The following SLC39A10 variants were observed in gnomAD, a reference collection of about 807,000 sequenced individuals.
SLC39A10 encodes the protein solute carrier family 39 member 10.
A neutral mutation model predicts 65.1 loss-of-function variants in SLC39A10; 13 were observed. The ratio of observed to expected loss-of-function variants is 0.20; its 90% confidence interval spans 0.13 to 0.32. The LOEUF is 0.32. SLC39A10 is among the 10% of genes least tolerant of loss of function. SLC39A10 has a pLI of 1.00. For missense variants in SLC39A10, 831 were observed against 1,018.4 expected (o/e 0.82, Z 2.50); for synonymous variants, 321 against 342.2 (o/e 0.94, Z 0.68).
chr2:195,728,417 A>C lies in SLC39A10; in HGVS notation c.2337+68A>C. 2.1e-6 allele frequency: 3 copies of C among 1,404,954 alleles called. No individual in the cohort carries two copies. The highest frequency in any genetic ancestry group is 2.9e-6 in the Non-Finnish European group (3 of 1,027,428). 87.0% of individuals were successfully genotyped at this position (1,404,954 alleles called of 1,614,324 possible). A position where few individuals can be genotyped will look rare whatever the true frequency, so the allele number is the denominator to read the frequency against. Reference sequence around the variant, plus strand: ...GAAAGAAATCCTTGGAAGTGGTTTGAAGCCAAACTATTTTTGAAAATATAA... The same window carrying C: ...GAAAGAAATCCTTGGAAGTGGTTTGCAGCCAAACTATTTTTGAAAATATAA... On this transcript the variant is annotated intron_variant, in intron 9 of 9. Coordinates refer to ENST00000359634, the MANE Select transcript of SLC39A10 (RefSeq NM_020342.3). This position sits in a 1 kb window ranked among gnomAD's most constrained non-coding sequence, Gnocchi z 4.4.
At chr2:195,706,485 C>A in intron 3 of SLC39A10, 131 bp from the exon 4 acceptor site, 1 of 822,852 alleles carries the variant, frequency 1.2e-6, no homozygotes, top group Non-Finnish European at 1.8e-6. Flanking sequence ...TAAACAATGC[C>A]TTAAAGCTTT....
At position 195,680,708 on chromosome 2, in the gene SLC39A10, A is replaced by G; in HGVS notation, c.666A>G (p.Glu222=). The G allele has an allele frequency of 6.2e-7, 1 of 1,614,190 alleles. No homozygotes were observed. Residue 222 remains glutamate (E), a synonymous_variant, in exon 2 of 10, where the codon GAA becomes GAG. Coordinates refer to ENST00000359634, the MANE Select transcript of SLC39A10 (RefSeq NM_020342.3). Reference sequence around the variant, plus strand: ...CAACAGAGACCAATAAAACCCAGGAACAATCTGATGTTAAACTACCGAAAG... The same window carrying G: ...CAACAGAGACCAATAAAACCCAGGAGCAATCTGATGTTAAACTACCGAAAG... ...EPSTETNKTQ[E]QSDVKLPKGK...
chr2:195,662,265 T>C (rs1364855915), intron 1 of SLC39A10, among the ~76,000 whole-genome samples: 1 of 150,770 alleles, frequency 6.6e-6, no homozygotes, highest in Non-Finnish European at 1.5e-5. Context: ...TATCCTACTG[T>C]GGTGTTCCCT....
intron 2 of SLC39A10, among the ~76,000 whole-genome samples, chr2:195,616,368 G>A (rs35129625): frequency 0.048 from 7,321 of 151,580 alleles, 230 homozygotes; most frequent in Admixed American, 0.1. Flanking sequence ...GTGCAATGAC[G>A]CAATTTCGGC....
At chr2:195,663,931 G>C (rs1689528054) in intron 1 of SLC39A10, among the ~76,000 whole-genome samples, 1 of 151,632 alleles carries the variant, frequency 6.6e-6, no homozygotes, top group Non-Finnish European at 1.5e-5. Context: ...CCAACAACTA[G>C]TTTTTCAGCC....
chr2:195,736,640 T>C lies in SLC39A10; in HGVS notation c.*1599T>C, dbSNP rs193066281. On this transcript the variant is annotated 3_prime_UTR_variant, in exon 10 of 10. Transcript: ENST00000359634. Reference sequence around the variant, plus strand: ...ATTTATAGATTATTGCCAGTGTCTTTTCTGTATGCTATAAGCAAGGGAGCT... The same window carrying C: ...ATTTATAGATTATTGCCAGTGTCTTCTCTGTATGCTATAAGCAAGGGAGCT... The C allele has an allele frequency of 6.6e-6, 1 of 152,354 alleles. No homozygotes were observed. The highest frequency in any genetic ancestry group is 6.5e-5 in the Admixed American group (1 of 15,296). 9.4% of individuals were successfully genotyped at this position (152,354 alleles called of 1,614,324 possible).
intron 2 of SLC39A10, among the ~76,000 whole-genome samples, chr2:195,622,395 A>T (rs1344570891): frequency 1.3e-5 from 2 of 152,078 alleles, no homozygotes; most frequent in African/African-American, 4.8e-5. Context: ...AAAGAGAGAG[A>T]AGATGAAGAA....
At chr2:195,721,600 A>G (rs1202708001) in intron 8 of SLC39A10, among the ~76,000 whole-genome samples, 1 of 152,098 alleles carries the variant, frequency 6.6e-6, no homozygotes, top group African/African-American at 2.4e-5. Context: ...ACGACGTCTT[A>G]TGCTCTTCTC....
chr2:195,729,673 TC>T (rs1317782310), intron 9 of SLC39A10, among the ~76,000 whole-genome samples: 1 of 152,206 alleles, frequency 6.6e-6, no homozygotes, highest in Non-Finnish European at 1.5e-5. Context: ...CTGGATTATT[TC>T]TATTAGCCTA....
intron 2 of SLC39A10, among the ~76,000 whole-genome samples, chr2:195,620,287 A>G (rs1185626841): frequency 6.6e-6 from 1 of 152,230 alleles, no homozygotes; most frequent in Non-Finnish European, 1.5e-5. Context: ...AGATCATTAA[A>G]GGGTTAGAAA....
At chr2:195,621,703 A>T (rs1224098875) in intron 2 of SLC39A10, among the ~76,000 whole-genome samples, 1 of 152,246 alleles carries the variant, frequency 6.6e-6, no homozygotes, top group Non-Finnish European at 1.5e-5. Flanking sequence ...ATTTTCACTA[A>T]TTCAGAGATT....
chr2:195,617,248 T>A (rs1044135115), intron 2 of SLC39A10, among the ~76,000 whole-genome samples: 3 of 152,158 alleles, frequency 2.0e-5, no homozygotes, highest in Non-Finnish European at 4.4e-5. Context: ...TGTCCAAATA[T>A]CTTTTTAAAA....
intron 2 of SLC39A10, among the ~76,000 whole-genome samples, chr2:195,615,830 C>G (rs1028333038): frequency 1.3e-5 from 2 of 152,208 alleles, no homozygotes; most frequent in Non-Finnish European, 2.9e-5. Flanking sequence ...TTACAAAATT[C>G]TACTTCGCTC....
intron 2 of SLC39A10, among the ~76,000 whole-genome samples, chr2:195,619,953 C>T (rs948914569): frequency 2.7e-4 from 41 of 152,030 alleles, no homozygotes; most frequent in Admixed American, 2.6e-4. Flanking sequence ...GACAGAGTCT[C>T]GCTCCATCAC....
chr2:195,723,300 A>G (rs1692116744), intron 8 of SLC39A10, among the ~76,000 whole-genome samples: 2 of 152,220 alleles, frequency 1.3e-5, no homozygotes, highest in African/African-American at 2.4e-5. Flanking sequence ...TTTAAGTTAC[A>G]ATACTACTTT....
At chr2:195,716,518 T>C (rs934657540) in intron 6 of SLC39A10, 119 bp from the exon 7 acceptor site, 2 of 776,104 alleles carry the variant, frequency 2.6e-6, no homozygotes, top group South Asian at 6.4e-5. Context: ...TAGGAAATTA[T>C]TTAAGAATTC....
intron 3 of SLC39A10, among the ~76,000 whole-genome samples, chr2:195,691,437 C>T (rs1381689198): frequency 6.6e-6 from 1 of 152,120 alleles, no homozygotes; most frequent in African/African-American, 2.4e-5. Flanking sequence ...AAGTAATCTC[C>T]ACACTGTTTT....
At chr2:195,675,871 C>G (rs985487650) in intron 1 of SLC39A10, among the ~76,000 whole-genome samples, 9 of 152,136 alleles carry the variant, frequency 5.9e-5, no homozygotes, top group African/African-American at 2.2e-4. Flanking sequence ...CCAATATATA[C>G]TTCCACCAGA....
At chr2:195,619,846 A>G (rs1218679705) in intron 2 of SLC39A10, among the ~76,000 whole-genome samples, 1 of 152,226 alleles carries the variant, frequency 6.6e-6, no homozygotes, top group East Asian at 1.9e-4. Context: ...CAGTCCCAGC[A>G]TACTATGTCC....
Sources: allele counts gnomAD v4.1 joint callset (sites outside exome capture counted in the v4.1 genomes callset), GRCh38; gene constraint gnomAD v4.1.1; non-coding constraint Gnocchi (gnomAD v3.1); transcripts MANE v1.5; gene names NCBI Gene and HGNC (gene_info 2026-07-23, HGNC 2026-07-21).